Variants in PKIG observed in about 807,000 individuals in gnomAD.
PKIG encodes the protein cAMP-dependent protein kinase inhibitor gamma.
Under a neutral mutation model 6.8 loss-of-function variants are expected in PKIG, and 1 was observed. The ratio of observed to expected loss-of-function variants is 0.15; its 90% CI spans 0.05 to 0.69. The LOEUF (loss-of-function observed/expected upper bound fraction) is 0.69. Ranked by LOEUF, PKIG falls within the 30% of genes least tolerant of loss-of-function variation. The probability of loss-of-function intolerance (pLI) is 0.82; values close to 1 mark genes in which losing one functional copy is unlikely to be tolerated. For synonymous variants in PKIG, 39 were observed against 43.0 expected (o/e 0.91, Z 0.36); for missense variants, 77 against 104.0 (o/e 0.74, Z 1.13).
intron 2 of PKIG, among the ~76,000 whole-genome samples, chr20:44,609,588 C>G (rs1600899433): frequency 6.6e-6 from 1 of 152,246 alleles, no homozygotes; most frequent in African/African-American, 2.4e-5. Context: ...AGCGCCTGCT[C>G]TTTACCAGGT....
intron 1 of PKIG, among the ~76,000 whole-genome samples, chr20:44,577,423 C>G (rs545858491): frequency 6.6e-6 from 1 of 152,148 alleles, no homozygotes; most frequent in African/African-American, 2.4e-5. Flanking sequence ...CGTCAGCCAC[C>G]GTGCTTGACC....
chr20:44,583,975 A>C (rs1600872389), intron 1 of PKIG, among the ~76,000 whole-genome samples: 1 of 152,124 alleles, frequency 6.6e-6, no homozygotes, highest in Non-Finnish European at 1.5e-5. Flanking sequence ...AGAAAGAAAA[A>C]GTCTCAGTGG....
intron 2 of PKIG, among the ~76,000 whole-genome samples, chr20:44,594,153 T>C (rs1600883151): frequency 6.6e-6 from 1 of 152,206 alleles, no homozygotes; most frequent in East Asian, 1.9e-4. Context: ...TTTTTTTAGC[T>C]CCACATCTTC....
At chr20:44,546,809 G>A (rs780739429) in intron 1 of PKIG, among the ~76,000 whole-genome samples, 6 of 151,970 alleles carry the variant, frequency 3.9e-5, no homozygotes, top group Non-Finnish European at 5.9e-5. Flanking sequence ...CCGTCTCAGC[G>A]TCCCAAAGTG....
chr20:44,571,519 TTACTG>T (rs917925005), intron 1 of PKIG, among the ~76,000 whole-genome samples: 3 of 152,202 alleles, frequency 2.0e-5, no homozygotes, highest in Admixed American at 1.3e-4. Flanking sequence ...TGTCTTCACT[TTACTG>T]GCCTTTTTCT....
At chr20:44,565,995 C>T (rs1358445602) in intron 1 of PKIG, among the ~76,000 whole-genome samples, 6 of 152,216 alleles carry the variant, frequency 3.9e-5, no homozygotes, top group Admixed American at 3.9e-4. Flanking sequence ...CTCCTGACCT[C>T]AGGTGATCTG....
chr20:44,568,839 A>G (rs2064831592), intron 1 of PKIG, among the ~76,000 whole-genome samples: 1 of 152,150 alleles, frequency 6.6e-6, no homozygotes, highest in African/African-American at 2.4e-5. Context: ...TAGATTTACC[A>G]AAGTTTATTT....
intron 2 of PKIG, among the ~76,000 whole-genome samples, chr20:44,590,876 C>G (rs1282167038): frequency 1.3e-5 from 2 of 152,254 alleles, no homozygotes; most frequent in East Asian, 3.8e-4. Context: ...GATTTTCTCT[C>G]TCTTCAGCAC....
At chr20:44,587,438 A>T (rs1298622396) in intron 1 of PKIG, among the ~76,000 whole-genome samples, 1 of 152,136 alleles carries the variant, frequency 6.6e-6, no homozygotes, top group African/African-American at 2.4e-5. Context: ...GTGGCTTCAG[A>T]GGGGTGGAAA....
At chr20:44,551,173 C>G (rs2064665150) in intron 1 of PKIG, among the ~76,000 whole-genome samples, 1 of 152,078 alleles carries the variant, frequency 6.6e-6, no homozygotes. Flanking sequence ...CCTGCCTCAG[C>G]CTCCCCAGCA....
intron 2 of PKIG, among the ~76,000 whole-genome samples, chr20:44,596,608 C>CTATG (rs2065077508): frequency 6.6e-6 from 1 of 152,178 alleles, no homozygotes; most frequent in Admixed American, 6.5e-5. Context: ...CGGTATTTAC[C>CTATG]TATGTAGCAA....
chr20:44,595,210 T>TAC (rs2065065230), intron 2 of PKIG, among the ~76,000 whole-genome samples: 1 of 152,216 alleles, frequency 6.6e-6, no homozygotes, highest in Non-Finnish European at 1.5e-5. Flanking sequence ...TAGGTATGGT[T>TAC]ACACACACAC....
At chr20:44,586,588 G>A (rs1208172372) in intron 1 of PKIG, among the ~76,000 whole-genome samples, 2 of 152,222 alleles carry the variant, frequency 1.3e-5, no homozygotes, top group Non-Finnish European at 2.9e-5. Flanking sequence ...CTGGTAACAG[G>A]TGCTGGCTGT....
In PKIG at chr20:44,608,811, A is replaced by AT. The variant is rs1397069148; in HGVS notation, c.-23-5723_-23-5722insT. 9.6e-3 allele frequency among the ~76,000 whole-genome samples: 523 copies of AT among 54,716 alleles called. 8 individuals carry two copies. Among genetic ancestry groups the AT allele is most frequent in the African/African-American group, 0.028 (403 of 14,474 alleles). The allele number at this position is 54,716 out of a possible 152,430, so 35.9% of individuals were successfully genotyped here. A position where few individuals can be genotyped will look rare whatever the true frequency, so the allele number is the denominator to read the frequency against. On this transcript the variant is annotated intron_variant, in intron 2 of 3. Transcript: ENST00000372886. ...CGAGACCCTGTCTCAAAAAAAAAAA[A>AT]AAAAATACTATGAGGAACATCTTTG...
intron 1 of PKIG, among the ~76,000 whole-genome samples, chr20:44,587,008 A>G (rs1053377597): frequency 1.3e-4 from 20 of 152,248 alleles, no homozygotes; most frequent in Admixed American, 1.3e-3. Context: ...TATTTGGTGT[A>G]TTCTTACTAT....
At chr20:44,533,394 G>A (rs1432800517) in intron 1 of PKIG, among the ~76,000 whole-genome samples, 1 of 152,226 alleles carries the variant, frequency 6.6e-6, no homozygotes, top group African/African-American at 2.4e-5. Flanking sequence ...TAGTAAGGAA[G>A]CAGGTCCCTG....
At chr20:44,605,222 G>T (rs1017923261) in intron 2 of PKIG, among the ~76,000 whole-genome samples, 3 of 151,774 alleles carry the variant, frequency 2.0e-5, no homozygotes, top group African/African-American at 7.3e-5. Context: ...TGGCTGACAC[G>T]GTGAAACCCC....
At chr20:44,579,861 C>T (rs963613356), upstream of PKIG, among the ~76,000 whole-genome samples, 7 of 152,182 alleles carry the variant, frequency 4.6e-5, no homozygotes, top group Admixed American at 1.3e-4. Flanking sequence ...CACCCATCTT[C>T]AAGAGCCCAG....
At chr20:44,540,579 G>C (rs551146572) in intron 1 of PKIG, among the ~76,000 whole-genome samples, 1 of 148,954 alleles carries the variant, frequency 6.7e-6, no homozygotes, top group East Asian at 2.0e-4. Flanking sequence ...TTTTGTTTTT[G>C]TTTTTGTTTG....
Sources: allele counts gnomAD v4.1 joint callset (sites outside exome capture counted in the v4.1 genomes callset), GRCh38; gene constraint gnomAD v4.1.1; transcripts MANE v1.5; gene names NCBI Gene and HGNC (gene_info 2026-07-23, HGNC 2026-07-21).